Variants in ARIH2 observed in about 807,000 individuals in gnomAD.
ARIH2 encodes ariadne RBR E3 ubiquitin protein ligase 2, also known as E3 ubiquitin-protein ligase ARIH2.
A neutral mutation model predicts 79.8 loss-of-function variants in ARIH2; 12 were observed. The observed-to-expected ratio is 0.15, with a 90% CI of 0.10 to 0.24. The LOEUF (loss-of-function observed/expected upper bound fraction) is 0.24, where lower values mean the gene tolerates loss of function less well. Ranked by LOEUF, ARIH2 falls within the 10% of genes least tolerant of loss-of-function variation. The pLI is 1.00. For missense variants in ARIH2, 301 were observed against 618.3 expected (o/e 0.49, Z 5.44); for synonymous variants, 224 against 213.9 (o/e 1.05, Z -0.41).
chr3:48,934,101 C>T (rs560746413), intron 3 of ARIH2, among the ~76,000 whole-genome samples: 1 of 152,116 alleles, frequency 6.6e-6, no homozygotes, highest in Admixed American at 6.5e-5. Context: ...ATAATTTTTC[C>T]CCTCTGTAGA....
At chr3:48,944,789 C>T (rs756132561) in intron 3 of ARIH2, among the ~76,000 whole-genome samples, 1 of 152,178 alleles carries the variant, frequency 6.6e-6, no homozygotes, top group Non-Finnish European at 1.5e-5. Context: ...TGTGCTTTAA[C>T]CTTCTTTCTT....
chr3:48,929,149 A>G (rs2086032953), intron 3 of ARIH2, among the ~76,000 whole-genome samples: 1 of 152,224 alleles, frequency 6.6e-6, no homozygotes, highest in South Asian at 2.1e-4. Context: ...TAGGTTAGAA[A>G]AAATAATATT....
intron 3 of ARIH2, among the ~76,000 whole-genome samples, chr3:48,953,617 GGT>G (rs2090235931): frequency 6.6e-6 from 1 of 151,432 alleles, no homozygotes; most frequent in African/African-American, 2.4e-5. Context: ...CAGCCAGGAT[GGT>G]CTCGATCTCC....
chr3:48,925,274 C>G (rs571462498), intron 2 of ARIH2: 8 of 151,762 alleles, frequency 5.3e-5, no homozygotes. Context: ...CCACTATGCC[C>G]GGCTAATTTT....
At chr3:48,953,489 C>T (rs1369712487) in intron 3 of ARIH2, among the ~76,000 whole-genome samples, 3 of 151,952 alleles carry the variant, frequency 2.0e-5, no homozygotes, top group Non-Finnish European at 4.4e-5. Context: ...CTGCAAGCTC[C>T]GCCTCCCGGG....
At chr3:48,955,071 G>T (rs2090424676) in intron 3 of ARIH2, among the ~76,000 whole-genome samples, 1 of 152,102 alleles carries the variant, frequency 6.6e-6, no homozygotes. Flanking sequence ...GGTGTTGAGT[G>T]CCTGTAATCC....
rs572716158 is a variant in ARIH2 at position 48,954,450 on chromosome 3, AG to A, written c.256-7161del. 1.2e-3 allele frequency among the ~76,000 whole-genome samples: 187 copies of A among 152,086 alleles called. 4 individuals carry two copies. The Middle Eastern group carries it at 0.024, about 19-fold the overall frequency. Reference sequence around the variant, plus strand: ...AGACTCTGTCTCAAAAAAAAAAAAAAGTTTTTTTCTACGTATAGGATCTCAC... The same window carrying A: ...AGACTCTGTCTCAAAAAAAAAAAAAATTTTTTTCTACGTATAGGATCTCAC... On this transcript the variant is annotated intron_variant, in intron 3 of 15. Coordinates refer to ENST00000356401, the MANE Select transcript of ARIH2 (RefSeq NM_006321.4).
At chr3:48,923,751 C>T (rs1274278207) in intron 2 of ARIH2, among the ~76,000 whole-genome samples, 1 of 152,070 alleles carries the variant, frequency 6.6e-6, no homozygotes, top group South Asian at 2.1e-4. Context: ...GAACCCCCGA[C>T]CTTAGGTGAT....
At chr3:48,959,558 C>T (rs2107512563) in intron 3 of ARIH2, among the ~76,000 whole-genome samples, 1 of 140,390 alleles carries the variant, frequency 7.1e-6, no homozygotes, top group African/African-American at 2.7e-5. Flanking sequence ...CCAGCCAGCA[C>T]TTTGGGAGGC....
Position 48,975,239 on chromosome 3 carries a change from C to T in ARIH2, c.961+260C>T, listed in dbSNP as rs13324117. The T allele has an allele frequency of 6.4e-3, 3,790 of 590,316 alleles. 112 individuals are homozygous for T. The highest frequency in any genetic ancestry group is 0.059 in the African/African-American group (3,187 of 53,696). 36.6% of individuals were successfully genotyped at this position (590,316 alleles called of 1,614,324 possible). On this transcript the variant is annotated intron_variant, in intron 11 of 15. Coordinates refer to ENST00000356401, the MANE Select transcript of ARIH2 (RefSeq NM_006321.4). ...GATAAACCTCATGATCCTCAGTTAT[C>T]CAAGAAGATGATTTCAGGGTGTTGC...
chr3:48,933,467 A>T (rs2086673352), intron 3 of ARIH2, among the ~76,000 whole-genome samples: 1 of 150,038 alleles, frequency 6.7e-6, no homozygotes. Flanking sequence ...TGAGCCTAGG[A>T]TTTTAAATAG....
intron 3 of ARIH2, among the ~76,000 whole-genome samples, chr3:48,960,057 G>T (rs555050464): frequency 9.9e-5 from 15 of 152,284 alleles, no homozygotes; most frequent in Middle Eastern, 3.4e-3. Context: ...AATGTTCTGT[G>T]TGTTTTCTTG....
intron 3 of ARIH2, among the ~76,000 whole-genome samples, chr3:48,938,634 G>A (rs1254187553): frequency 6.6e-6 from 1 of 152,120 alleles, no homozygotes; most frequent in Non-Finnish European, 1.5e-5. Flanking sequence ...AGGGGTTAAA[G>A]TAAATTTGGG....
chr3:48,963,506 A>G (rs1366144372), intron 4 of ARIH2, among the ~76,000 whole-genome samples: 1 of 152,166 alleles, frequency 6.6e-6, no homozygotes, highest in Non-Finnish European at 1.5e-5. Context: ...AAATATGTTG[A>G]CCTGGGCTTT....
In ARIH2 at chr3:48,927,501, T is replaced by TG; in HGVS notation, c.-52dup. ...AATGCATTTGAGAAAGCGGTAGTTT[T>TG]GGGGGGAGGGGGAAAAAGCAACTGC... On this transcript the variant is annotated 5_prime_UTR_variant, in exon 3 of 16. Coordinates refer to ENST00000356401, the MANE Select transcript of ARIH2 (RefSeq NM_006321.4). The TG allele has an allele frequency of 3.2e-6, 5 of 1,580,158 alleles. No individual in the cohort carries two copies. Among genetic ancestry groups the TG allele is most frequent in the Non-Finnish European group, 4.3e-6 (5 of 1,165,982 alleles).
At chr3:48,940,397 G>C (rs1424808990) in intron 3 of ARIH2, among the ~76,000 whole-genome samples, 1 of 151,878 alleles carries the variant, frequency 6.6e-6, no homozygotes, top group Admixed American at 6.6e-5. Flanking sequence ...AAGAGAGAGA[G>C]AGAGCGCACA....
In ARIH2 at chr3:48,981,714, C is replaced by T. The variant is rs773081132; in HGVS notation, c.1312C>T (p.Pro438Ser). Residue 438 changes from proline (P) to serine (S), a missense_variant, in exon 14 of 16, where the codon CCC (proline) becomes TCC (serine). Pro to Ser is a moderately conservative substitution (Grantham distance 74). Transcript: ENST00000356401. ...YPYAYYMESG[P>S]RKKLFEYQQA... Reference sequence around the variant, plus strand: ...ATATGCATATTACATGGAGTCCGGACCCAGGAAGAAGCTGGTAAGGCAAAG... The same window carrying T: ...ATATGCATATTACATGGAGTCCGGATCCAGGAAGAAGCTGGTAAGGCAAAG... 6.2e-7 allele frequency: 1 copy of T among 1,613,764 alleles called. No homozygotes were observed. Among genetic ancestry groups the T allele is most frequent in the Middle Eastern group, 1.7e-4 (1 of 6,054 alleles).
intron 5 of ARIH2, among the ~76,000 whole-genome samples, chr3:48,966,562 A>G (rs1460214502): frequency 6.6e-6 from 1 of 152,170 alleles, no homozygotes; most frequent in East Asian, 1.9e-4. Context: ...TGTATTAAGG[A>G]TGAGTTGTAA....
chr3:48,962,577 C>T (rs930689906), intron 4 of ARIH2, among the ~76,000 whole-genome samples: 1 of 152,162 alleles, frequency 6.6e-6, no homozygotes, highest in African/African-American at 2.4e-5. Flanking sequence ...TATGCTCACC[C>T]TCGGAGGCGT....
Sources: allele counts gnomAD v4.1 joint callset (sites outside exome capture counted in the v4.1 genomes callset), GRCh38; gene constraint gnomAD v4.1.1; transcripts MANE v1.5; gene names NCBI Gene and HGNC (gene_info 2026-07-23, HGNC 2026-07-21).